Variants in TMEM117 observed in about 807,000 individuals in gnomAD.
The protein encoded by TMEM117 is transmembrane protein 117.
In TMEM117, 27 loss-of-function variants were observed where a neutral mutation model predicts 52.4. The observed-to-expected ratio is 0.51, with a 90% CI of 0.38 to 0.71. The LOEUF (loss-of-function observed/expected upper bound fraction) is 0.71, where lower values mean the gene tolerates loss of function less well. Ranked by LOEUF, TMEM117 falls within the 30% of genes least tolerant of loss-of-function variation. The pLI is 0.00. For synonymous variants in TMEM117, 215 were observed against 206.3 expected, an observed-to-expected ratio of 1.04 and a Z score of -0.36; for missense variants, 556 against 630.5, an observed-to-expected ratio of 0.88 and a Z score of 1.26.
chr12:43,946,976 A>C (rs1345732581), intron 3 of TMEM117, among the ~76,000 whole-genome samples: 1 of 152,332 alleles, frequency 6.6e-6, no homozygotes, highest in African/African-American at 2.4e-5. Context: ...CTGAGAGGAT[A>C]TATTAAAGGT....
chr12:43,991,911 C>A (rs1945948621), intron 3 of TMEM117, among the ~76,000 whole-genome samples: 1 of 152,048 alleles, frequency 6.6e-6, no homozygotes, highest in African/African-American at 2.4e-5. Flanking sequence ...GAACTTAATG[C>A]AAGTTTGGGA....
intron 5 of TMEM117, among the ~76,000 whole-genome samples, chr12:44,231,064 A>G (rs1378433386): frequency 6.6e-6 from 1 of 152,036 alleles, no homozygotes; most frequent in African/African-American, 2.4e-5. Context: ...TGTCATCAAC[A>G]TTCCAGATTC....
chr12:43,990,974 A>C (rs1349452038), intron 3 of TMEM117, among the ~76,000 whole-genome samples: 1 of 152,186 alleles, frequency 6.6e-6, no homozygotes, highest in African/African-American at 2.4e-5. Context: ...ATAAAATATC[A>C]CTGTGTCTCT....
intron 6 of TMEM117, among the ~76,000 whole-genome samples, chr12:44,347,677 GCTTA>G (rs1418086580): frequency 6.6e-6 from 1 of 151,954 alleles, no homozygotes; most frequent in Non-Finnish European, 1.5e-5. Context: ...TTTGTGTTCT[GCTTA>G]CTAACAGAGG....
At chr12:44,378,450 TGCCTCGGAAGGGG>T (rs1303830024) in intron 7 of TMEM117, among the ~76,000 whole-genome samples, 1 of 152,190 alleles carries the variant, frequency 6.6e-6, no homozygotes, top group Non-Finnish European at 1.5e-5. Context: ...TTATATTCAG[TGCCTCGGAAGGGG>T]GCTATGCATG....
Position 44,353,393 on chromosome 12 carries a change from T to A in TMEM117, c.769-23202T>A, listed in dbSNP as rs1371507912. On this transcript the variant is annotated intron_variant, in intron 6 of 7. Coordinates refer to ENST00000266534, the MANE Select transcript of TMEM117 (RefSeq NM_032256.3). ...GCCCATGCCTATGTCCTGAATGGTA[T>A]TGCCTAGGTTTTCTTGTAGGGTTTT... 1.2e-4 allele frequency among the ~76,000 whole-genome samples: 18 copies of A among 152,232 alleles called. 1 individual carries two copies. The East Asian group carries it at 2.9e-3, about 24-fold the overall frequency.
intron 4 of TMEM117, among the ~76,000 whole-genome samples, chr12:44,150,142 A>G (rs1222927603): frequency 6.6e-6 from 1 of 152,162 alleles, no homozygotes; most frequent in African/African-American, 2.4e-5. Flanking sequence ...CCATTTCATT[A>G]CTTATACAGT....
At chr12:44,148,194 T>C (rs138176490) in intron 4 of TMEM117, among the ~76,000 whole-genome samples, 1 of 152,246 alleles carries the variant, frequency 6.6e-6, no homozygotes, top group Non-Finnish European at 1.5e-5. Context: ...GTTTGCCAGT[T>C]GGCTTTACTT....
intron 3 of TMEM117, among the ~76,000 whole-genome samples, chr12:44,129,316 T>G (rs934373663): frequency 5.3e-5 from 8 of 152,172 alleles, no homozygotes; most frequent in Admixed American, 5.2e-4. Context: ...AGACGTCTCA[T>G]CATTCTTCTG....
At chr12:44,209,977 A>G (rs10506240) in intron 4 of TMEM117, among the ~76,000 whole-genome samples, 16,759 of 152,108 alleles carry the variant, frequency 0.11, 1,084 homozygotes, top group Middle Eastern at 0.2. Flanking sequence ...CTGAATCACA[A>G]TCTTTCATCA....
At chr12:44,124,653 G>C (rs891251605) in intron 3 of TMEM117, among the ~76,000 whole-genome samples, 6 of 152,176 alleles carry the variant, frequency 3.9e-5, no homozygotes, top group Non-Finnish European at 8.8e-5. Flanking sequence ...TGCATCTATT[G>C]AGATAATCAT....
intron 3 of TMEM117, among the ~76,000 whole-genome samples, chr12:44,072,749 C>A (rs1379301870): frequency 6.6e-6 from 1 of 152,168 alleles, no homozygotes; most frequent in Non-Finnish European, 1.5e-5. Flanking sequence ...AGATATGTGT[C>A]AAGGACCAAT....
intron 5 of TMEM117, among the ~76,000 whole-genome samples, chr12:44,248,269 T>G (rs1946548414): frequency 6.6e-6 from 1 of 152,180 alleles, no homozygotes; most frequent in South Asian, 2.1e-4. Context: ...GTGCACCATT[T>G]ACATAGACCA....
chr12:44,209,202 T>A (rs1949613477), intron 4 of TMEM117, among the ~76,000 whole-genome samples: 1 of 152,170 alleles, frequency 6.6e-6, no homozygotes, highest in African/African-American at 2.4e-5. Context: ...AAGCTCTTTT[T>A]ATACCTAAGA....
chr12:43,938,253 ATATAT>A (rs778825582), intron 2 of TMEM117, among the ~76,000 whole-genome samples: 2 of 147,790 alleles, frequency 1.4e-5, no homozygotes, highest in Admixed American at 6.8e-5. Context: ...ATTATATATT[ATATAT>A]TATATTATAT....
chr12:43,837,874 T>C (rs1943057982), intron 1 of TMEM117, among the ~76,000 whole-genome samples: 1 of 152,124 alleles, frequency 6.6e-6, no homozygotes. Flanking sequence ...GACTGCAGGA[T>C]AGGAACAAGG....
intron 4 of TMEM117, among the ~76,000 whole-genome samples, chr12:44,187,154 A>G (rs1470818349): frequency 6.6e-6 from 1 of 151,334 alleles, no homozygotes; most frequent in Non-Finnish European, 1.5e-5. Context: ...ACTATTTAAT[A>G]TATATGTGCT....
At chr12:44,029,068 G>T (rs1946590303) in intron 3 of TMEM117, among the ~76,000 whole-genome samples, 1 of 152,190 alleles carries the variant, frequency 6.6e-6, no homozygotes, top group Admixed American at 6.5e-5. Flanking sequence ...CCCAGGAAAA[G>T]AATGGAATTA....
upstream of TMEM117, among the ~76,000 whole-genome samples, chr12:43,833,129 C>G (rs766583177): frequency 2.0e-5 from 3 of 152,202 alleles, no homozygotes; most frequent in Non-Finnish European, 4.4e-5. Flanking sequence ...ACTACACTCT[C>G]TAAGCCCTGA....
Sources: allele counts gnomAD v4.1 joint callset (sites outside exome capture counted in the v4.1 genomes callset), GRCh38; gene constraint gnomAD v4.1.1; transcripts MANE v1.5; gene names NCBI Gene and HGNC (gene_info 2026-07-23, HGNC 2026-07-21).